The following CCBE1 variants were observed in gnomAD, a reference collection of about 807,000 sequenced individuals.
CCBE1 encodes the protein collagen and calcium-binding EGF domain-containing protein 1.
In CCBE1, 37 loss-of-function variants were observed where a neutral mutation model predicts 50.0. That is an observed-to-expected ratio of 0.74 (90% CI 0.57 to 0.97). CCBE1 has a LOEUF of 0.97. Ranked by LOEUF, CCBE1 falls within the 50% of genes least tolerant of loss-of-function variation. CCBE1 has a pLI of 0.00. For missense variants in CCBE1, 538 were observed against 523.8 expected (o/e 1.03, Z -0.26); for synonymous variants, 234 against 203.7 (o/e 1.15, Z -1.27).
Position 59,640,022 on chromosome 18 carries a change from C to T in CCBE1, c.212+56607G>A, listed in dbSNP as rs190363692. On this transcript the variant is annotated intron_variant, in intron 2 of 10. Transcript: ENST00000439986. ...AACAGATGGAAAAACATTCCATGCT[C>T]ACAGATAGAATCAGTATCATTAAAA... 7.9e-5 allele frequency among the ~76,000 whole-genome samples: 12 copies of T among 152,210 alleles called. No homozygotes were observed. The South Asian group carries it at 1.9e-3, about 24-fold the overall frequency.
intron 2 of CCBE1, among the ~76,000 whole-genome samples, chr18:59,606,408 CTT>C (rs2053499844): frequency 6.6e-6 from 1 of 152,218 alleles, no homozygotes; most frequent in Non-Finnish European, 1.5e-5. Context: ...TTTCCCCCAA[CTT>C]TTGTTTAGAA....
At chr18:59,584,992 A>G (rs1599036094) in intron 2 of CCBE1, among the ~76,000 whole-genome samples, 1 of 152,256 alleles carries the variant, frequency 6.6e-6, no homozygotes. Context: ...CTGTAAGGCA[A>G]AGGATCAGAA....
At chr18:59,608,110 A>C (rs1013441594) in intron 2 of CCBE1, among the ~76,000 whole-genome samples, 4 of 152,124 alleles carry the variant, frequency 2.6e-5, no homozygotes, top group Non-Finnish European at 4.4e-5. Flanking sequence ...ACAGAGTGAG[A>C]CTCCGTCTCG....
intron 2 of CCBE1, among the ~76,000 whole-genome samples, chr18:59,674,736 C>T (rs566056485): frequency 6.6e-6 from 1 of 152,208 alleles, no homozygotes. Flanking sequence ...CAAGCACAAT[C>T]TCTTCTGCTA....
At chr18:59,554,728 A>G (rs2052631668) in intron 2 of CCBE1, among the ~76,000 whole-genome samples, 1 of 152,148 alleles carries the variant, frequency 6.6e-6, no homozygotes, top group Non-Finnish European at 1.5e-5. Flanking sequence ...ATTACATGAG[A>G]GATTTTATGT....
chr18:59,601,440 C>T (rs538018869), intron 2 of CCBE1, among the ~76,000 whole-genome samples: 29 of 152,250 alleles, frequency 1.9e-4, no homozygotes, highest in Non-Finnish European at 2.6e-4. Flanking sequence ...CCATGTAAGA[C>T]GTGCCTTTGC....
At chr18:59,619,365 T>C (rs922074405) in intron 2 of CCBE1, among the ~76,000 whole-genome samples, 4 of 152,200 alleles carry the variant, frequency 2.6e-5, no homozygotes, top group Non-Finnish European at 5.9e-5. Context: ...TGGAGCACAG[T>C]GACTGTTCAC....
chr18:59,461,892 C>T (rs944718899), intron 5 of CCBE1, among the ~76,000 whole-genome samples: 1 of 151,864 alleles, frequency 6.6e-6, no homozygotes, highest in Non-Finnish European at 1.5e-5. Context: ...GCCACCACGC[C>T]CAGCTAATGT....
chr18:59,533,857 T>G (rs1028330412), intron 2 of CCBE1, among the ~76,000 whole-genome samples: 30 of 152,250 alleles, frequency 2.0e-4, no homozygotes, highest in African/African-American at 7.2e-4. Flanking sequence ...ATTTATATAT[T>G]CATATGTATA....
chr18:59,516,244 T>G (rs991457488), intron 2 of CCBE1, among the ~76,000 whole-genome samples: 21 of 152,086 alleles, frequency 1.4e-4, no homozygotes, highest in East Asian at 5.8e-4. Context: ...CAGTTTGTTT[T>G]TTTTTTTCTT....
chr18:59,654,796 A>T (rs565341187), intron 2 of CCBE1, among the ~76,000 whole-genome samples: 5 of 151,108 alleles, frequency 3.3e-5, no homozygotes, highest in African/African-American at 1.2e-4. Context: ...GTCTCCAAAA[A>T]AAAAAAAAAA....
At chr18:59,495,259 C>T (rs542488052) in intron 2 of CCBE1, among the ~76,000 whole-genome samples, 2 of 152,142 alleles carry the variant, frequency 1.3e-5, no homozygotes, top group Admixed American at 1.3e-4. Flanking sequence ...TTCACACTTT[C>T]ATATAACAAT....
At chr18:59,585,735 T>C (rs999665127) in intron 2 of CCBE1, among the ~76,000 whole-genome samples, 5 of 152,220 alleles carry the variant, frequency 3.3e-5, no homozygotes, top group African/African-American at 1.2e-4. Context: ...GCATTCTTCA[T>C]TGTGTGCATC....
chr18:59,646,416 G>T (rs138612566), intron 2 of CCBE1, among the ~76,000 whole-genome samples: 1 of 152,178 alleles, frequency 6.6e-6, no homozygotes, highest in East Asian at 1.9e-4. Flanking sequence ...CCCAGAACTA[G>T]CTTCTAAGAG....
At chr18:59,460,550 G>A (rs1030064207) in intron 5 of CCBE1, among the ~76,000 whole-genome samples, 2 of 152,222 alleles carry the variant, frequency 1.3e-5, no homozygotes, top group Non-Finnish European at 2.9e-5. Flanking sequence ...GTTTGGATGT[G>A]TAATAATTCA....
chr18:59,446,913 C>T (rs1286682105), intron 7 of CCBE1, among the ~76,000 whole-genome samples: 1 of 152,174 alleles, frequency 6.6e-6, no homozygotes, highest in Non-Finnish European at 1.5e-5. Context: ...GCAATGATAG[C>T]CAGGGATAAG....
At chr18:59,652,874 G>T (rs761240239) in intron 2 of CCBE1, among the ~76,000 whole-genome samples, 14 of 151,980 alleles carry the variant, frequency 9.2e-5, no homozygotes, top group African/African-American at 1.5e-4. Flanking sequence ...TGAGGCAGGA[G>T]AATGGTGTGA....
chr18:59,539,822 CAT>C (rs1334985768), intron 2 of CCBE1, among the ~76,000 whole-genome samples: 1 of 152,186 alleles, frequency 6.6e-6, no homozygotes. Context: ...TTCAATTGGT[CAT>C]GTTTTTCCAG....
chr18:59,481,037 T>G (rs1015662031), intron 2 of CCBE1, among the ~76,000 whole-genome samples: 2 of 152,294 alleles, frequency 1.3e-5, no homozygotes, highest in African/African-American at 4.8e-5. Context: ...AACCTATATG[T>G]TGGAATTATC....
Sources: gnomAD v4.1 joint callset for allele counts (sites outside exome capture counted in the v4.1 genomes callset) on GRCh38, gnomAD v4.1.1 for gene constraint, MANE v1.5 for transcripts, NCBI Gene and HGNC (gene_info 2026-07-23, HGNC 2026-07-21) for gene names.